Variants in EYA2 observed in about 807,000 individuals in gnomAD.
The protein encoded by EYA2 is EYA transcriptional coactivator and phosphatase 2.
Under a neutral mutation model 69.2 loss-of-function variants are expected in EYA2, and 31 were observed. The observed-to-expected ratio is 0.45, with a 90% CI of 0.34 to 0.60. The LOEUF (loss-of-function observed/expected upper bound fraction) is 0.60. Among genes scored for constraint, EYA2 ranks in the 20% least tolerant of loss-of-function variants. EYA2 has a pLI of 0.02. For missense variants in EYA2, 622 were observed against 701.2 expected (o/e 0.89, Z 1.28); for synonymous variants, 257 against 279.4 (o/e 0.92, Z 0.80).
At position 47,016,193 on chromosome 20, in the gene EYA2, A is replaced by C. The variant is rs1016381387; in HGVS notation, c.311A>C (p.Glu104Ala). ...TCTTCCTTCAAAGGCATCAAGACAG[A>C]AGACAGCTTGAACCATTCCCCTGGC... Reference protein sequence around the residue: ...YGIPSYSIKTEDSLNHSPGQS... With the variant: ...YGIPSYSIKTADSLNHSPGQS... Residue 104 changes from glutamate (E) to alanine (A), a missense_variant, in exon 5 of 16, where the codon GAA becomes GCA. Coordinates refer to ENST00000327619, the MANE Select transcript of EYA2 (RefSeq NM_005244.5). The C allele has an allele frequency of 1.2e-6, 2 of 1,613,928 alleles. No individual in the cohort carries two copies.
chr20:46,903,555 G>T (rs1984216399), intron 1 of EYA2, among the ~76,000 whole-genome samples: 1 of 152,154 alleles, frequency 6.6e-6, no homozygotes. Flanking sequence ...AGGCTGCTCA[G>T]GTTACACTTC....
At chr20:47,096,587 A>G (rs185462403) in intron 8 of EYA2, among the ~76,000 whole-genome samples, 20 of 152,342 alleles carry the variant, frequency 1.3e-4, no homozygotes, top group African/African-American at 4.6e-4. Context: ...AGAGATTTCC[A>G]TGAGTTAAAC....
intron 10 of EYA2, among the ~76,000 whole-genome samples, chr20:47,146,999 C>T (rs1223354463): frequency 6.6e-6 from 1 of 151,698 alleles, no homozygotes; most frequent in African/African-American, 2.4e-5. Context: ...GAGGCTCTCA[C>T]CAGGGCTTTT....
chr20:47,124,216 G>A (rs2033122484), intron 9 of EYA2, among the ~76,000 whole-genome samples: 1 of 152,274 alleles, frequency 6.6e-6, no homozygotes, highest in African/African-American at 2.4e-5. Flanking sequence ...TGAGTCCTCT[G>A]GTGAGGACTG....
At chr20:47,017,355 G>C (rs1229926913) in intron 5 of EYA2, among the ~76,000 whole-genome samples, 1 of 152,328 alleles carries the variant, frequency 6.6e-6, no homozygotes, top group Admixed American at 6.5e-5. Context: ...ATGTTGCCCA[G>C]ACTGGGCTCA....
At chr20:47,055,589 C>G (rs1266796891) in intron 5 of EYA2, among the ~76,000 whole-genome samples, 2 of 152,188 alleles carry the variant, frequency 1.3e-5, no homozygotes, top group East Asian at 3.8e-4. Context: ...CACTTGCCCC[C>G]TTATCCTCTC....
intron 7 of EYA2, among the ~76,000 whole-genome samples, chr20:47,082,529 A>G (rs1006743497): frequency 5.9e-5 from 9 of 152,260 alleles, no homozygotes; most frequent in African/African-American, 2.2e-4. Context: ...AAAGATATGC[A>G]TGACTTTACA....
At chr20:46,906,809 AACC>A (rs1442044682) in intron 1 of EYA2, among the ~76,000 whole-genome samples, 2 of 152,170 alleles carry the variant, frequency 1.3e-5, no homozygotes, top group African/African-American at 4.8e-5. Flanking sequence ...CTGATTCTTT[AACC>A]ACCATAAAAA....
At chr20:47,111,007 C>T (rs2032734180) in intron 9 of EYA2, among the ~76,000 whole-genome samples, 1 of 152,238 alleles carries the variant, frequency 6.6e-6, no homozygotes, top group African/African-American at 2.4e-5. Flanking sequence ...TTCTACTGTC[C>T]TTCATGGCAG....
Position 47,038,420 on chromosome 20 carries a change from G to T in EYA2, c.415+22123G>T, listed in dbSNP as rs150880784. 1.9e-3 allele frequency among the ~76,000 whole-genome samples: 288 copies of T among 152,310 alleles called. 1 individual carries two copies. Among genetic ancestry groups the T allele is most frequent in the Non-Finnish European group, 3.4e-3 (233 of 68,024 alleles). On this transcript the variant is annotated intron_variant, in intron 5 of 15. Transcript: ENST00000327619. The stretch of plus-strand genomic sequence containing the variant: ...GTGGGAGGATTGCTTGAGCCCAGGA[G>T]ATTGAGGCTGCAATGAACTGTAATC...
At chr20:47,093,558 C>T (rs745738221) in intron 8 of EYA2, among the ~76,000 whole-genome samples, 2 of 152,248 alleles carry the variant, frequency 1.3e-5, no homozygotes, top group Non-Finnish European at 2.9e-5. Flanking sequence ...CAGCTTAACT[C>T]TTCCCCTCTC....
chr20:46,985,059 C>T (rs1252135147), intron 1 of EYA2, among the ~76,000 whole-genome samples: 1 of 152,144 alleles, frequency 6.6e-6, no homozygotes, highest in Non-Finnish European at 1.5e-5. Context: ...ACACATAAAA[C>T]AACATGGCAT....
At chr20:47,046,993 G>C (rs1249184980) in intron 5 of EYA2, among the ~76,000 whole-genome samples, 2 of 152,120 alleles carry the variant, frequency 1.3e-5, no homozygotes, top group Non-Finnish European at 2.9e-5. Context: ...TCTCCCCTGG[G>C]TTATTGTGAA....
intron 1 of EYA2, among the ~76,000 whole-genome samples, chr20:46,898,394 A>G (rs951470137): frequency 6.8e-6 from 1 of 146,468 alleles, no homozygotes; most frequent in Non-Finnish European, 1.5e-5. Context: ...GTTGACAGAA[A>G]ACACACACAC....
intron 2 of EYA2, among the ~76,000 whole-genome samples, chr20:46,997,200 A>G (rs6018219): frequency 0.34 from 52,094 of 151,992 alleles, 9,204 homozygotes; most frequent in African/African-American, 0.42. Flanking sequence ...AGCCCAGAGA[A>G]CTCACTAACG....
intron 8 of EYA2, among the ~76,000 whole-genome samples, chr20:47,089,986 C>T (rs2032024011): frequency 6.6e-6 from 1 of 152,106 alleles, no homozygotes; most frequent in African/African-American, 2.4e-5. Context: ...GAGGCTGGCT[C>T]TAATGAGTGT....
intron 10 of EYA2, among the ~76,000 whole-genome samples, chr20:47,166,495 C>G (rs1005404243): frequency 2.8e-5 from 4 of 142,964 alleles, no homozygotes; most frequent in African/African-American, 1.0e-4. Context: ...ACCCTTTCTT[C>G]CAATTTCTCT....
chr20:47,043,349 C>A (rs903120750), intron 5 of EYA2, among the ~76,000 whole-genome samples: 2 of 152,096 alleles, frequency 1.3e-5, no homozygotes, highest in Non-Finnish European at 2.9e-5. Flanking sequence ...AAGGGAGAGG[C>A]CAACATTCAG....
At chr20:47,062,444 A>G (rs913682005) in intron 5 of EYA2, among the ~76,000 whole-genome samples, 7 of 152,170 alleles carry the variant, frequency 4.6e-5, no homozygotes, top group Admixed American at 2.6e-4. Flanking sequence ...TGGCTCTTTT[A>G]TGCAGTTATC....
Sources: gnomAD v4.1 joint callset for allele counts (sites outside exome capture counted in the v4.1 genomes callset) on GRCh38, gnomAD v4.1.1 for gene constraint, MANE v1.5 for transcripts, NCBI Gene and HGNC (gene_info 2026-07-23, HGNC 2026-07-21) for gene names.